WDHD1: variants seen among roughly 807,000 people sequenced by gnomAD.
The protein encoded by WDHD1 is WD repeat and HMG-box DNA-binding protein 1.
A neutral mutation model predicts 135.4 loss-of-function variants in WDHD1; 111 were observed. The ratio of observed to expected loss-of-function variants is 0.82; its 90% CI spans 0.70 to 0.96. The LOEUF is 0.96. Among genes scored for constraint, WDHD1 ranks in the 40% least tolerant of loss-of-function variants. The pLI is 0.00. For missense variants in WDHD1, 1,351 were observed against 1,336.3 expected (o/e 1.01, Z -0.17); for synonymous variants, 434 against 439.0 (o/e 0.99, Z 0.14).
chr14:54,998,708 C>A (rs2041928278), intron 10 of WDHD1, among the ~76,000 whole-genome samples: 1 of 151,992 alleles, frequency 6.6e-6, no homozygotes, highest in Non-Finnish European at 1.5e-5. Context: ...GATCTGGTAC[C>A]CTTTCACAAC....
intron 3 of WDHD1, 39 bp downstream of exon 3, chr14:55,013,446 G>C: frequency 7.3e-7 from 1 of 1,360,798 alleles, no homozygotes; most frequent in Admixed American, 1.7e-5. Context: ...TCACATGCCA[G>C]TATCATTTCA....
At chr14:54,975,194 T>G (rs890598193) in intron 16 of WDHD1, among the ~76,000 whole-genome samples, 1 of 152,152 alleles carries the variant, frequency 6.6e-6, no homozygotes, top group South Asian at 2.1e-4. Context: ...GAGAGCAAAT[T>G]AGACTGTAAC....
At chr14:55,023,405 C>A (rs990223139) in intron 2 of WDHD1, among the ~76,000 whole-genome samples, 4 of 152,216 alleles carry the variant, frequency 2.6e-5, no homozygotes, top group Non-Finnish European at 5.9e-5. Flanking sequence ...TTCCTTTTCA[C>A]AGTGGTCCTT....
intron 2 of WDHD1, among the ~76,000 whole-genome samples, chr14:55,019,022 TCAAA>T (rs2042303116): frequency 6.6e-6 from 1 of 152,008 alleles, no homozygotes; most frequent in South Asian, 2.1e-4. Flanking sequence ...AAACTCTGAC[TCAAA>T]CAAATAAAAA....
In WDHD1 at chr14:54,941,149, T is replaced by C. The variant is rs2040831366; in HGVS notation, c.*341A>G. The C allele has an allele frequency of 5.6e-6, 1 of 178,168 alleles. No individual in the cohort carries two copies. Among genetic ancestry groups the C allele is most frequent in the Non-Finnish European group, 1.2e-5 (1 of 84,852 alleles). The allele number at this position is 178,168 out of a possible 1,614,324, so 11.0% of individuals were successfully genotyped here. ...ACAAAAACCAAATGAACCAAACCCC[T>C]AGAAGGTATTAATGCACAAAGGTTT... On this transcript the variant is annotated 3_prime_UTR_variant, in exon 26 of 26. Transcript: ENST00000360586.
chr14:54,982,155 C>T (rs944895465), intron 15 of WDHD1, among the ~76,000 whole-genome samples: 5 of 151,710 alleles, frequency 3.3e-5, no homozygotes, highest in East Asian at 3.9e-4. Flanking sequence ...TACAGGCACC[C>T]GCCACCACGC....
chr14:54,990,475 A>T (rs1183221623), intron 12 of WDHD1, among the ~76,000 whole-genome samples: 1 of 152,026 alleles, frequency 6.6e-6, no homozygotes. Flanking sequence ...AGGCACCTGT[A>T]GTCCCAGCTA....
intron 14 of WDHD1, among the ~76,000 whole-genome samples, chr14:54,985,710 T>G (rs1445565226): frequency 2.6e-5 from 4 of 152,206 alleles, no homozygotes; most frequent in Non-Finnish European, 5.9e-5. Context: ...AGGAGGCTAC[T>G]ATGACAGTCC....
chr14:54,985,660 T>C (rs955479669), intron 14 of WDHD1, among the ~76,000 whole-genome samples: 9 of 152,200 alleles, frequency 5.9e-5, no homozygotes, highest in Non-Finnish European at 1.2e-4. Context: ...CTGTGGAGAA[T>C]GGACTGTGGA....
chr14:54,956,882 GC>G, intron 23 of WDHD1, 151 bp downstream of exon 23: 1 of 896,190 alleles, frequency 1.1e-6, no homozygotes, highest in Non-Finnish European at 1.6e-6. Context: ...GTGCCACTGT[GC>G]CTAGCTGCAA....
At chr14:55,016,627 G>A (rs1294814583) in intron 2 of WDHD1, among the ~76,000 whole-genome samples, 1 of 152,212 alleles carries the variant, frequency 6.6e-6, no homozygotes, top group Non-Finnish European at 1.5e-5. Flanking sequence ...ACTTTCTGAG[G>A]TGATGAAAAT....
intron 15 of WDHD1, among the ~76,000 whole-genome samples, chr14:54,984,116 T>C (rs529665013): frequency 8.5e-5 from 13 of 152,336 alleles, no homozygotes; most frequent in Admixed American, 2.6e-4. Flanking sequence ...CAACTTATTA[T>C]TGATTTGTAT....
At chr14:55,017,948 A>G (rs1387666042) in intron 2 of WDHD1, among the ~76,000 whole-genome samples, 2 of 152,236 alleles carry the variant, frequency 1.3e-5, no homozygotes, top group East Asian at 3.9e-4. Flanking sequence ...ACACAAATCA[A>G]TGTGATATAC....
At chr14:55,015,836 C>A (rs967272306) in intron 2 of WDHD1, among the ~76,000 whole-genome samples, 4 of 152,076 alleles carry the variant, frequency 2.6e-5, no homozygotes, top group Non-Finnish European at 4.4e-5. Flanking sequence ...GTAGCTGGGA[C>A]TGCAGGCGTG....
rs140023951 is a variant in WDHD1 at position 55,003,587 on chromosome 14, C to CTATATATATATATATATATA, written c.601-1403_601-1402insTATATATATATATATATATA. Among the ~76,000 whole-genome samples the CTATATATATATATATATATA allele has an allele frequency of 3.7e-3, 531 of 143,688 alleles. 19 individuals are homozygous for CTATATATATATATATATATA. The highest frequency in any genetic ancestry group is 0.021 in the South Asian group (99 of 4,740). 94.3% of individuals were successfully genotyped at this position (143,688 alleles called of 152,430 possible). A position where few individuals can be genotyped will look rare whatever the true frequency, so the allele number is the denominator to read the frequency against. ...TGTATAAAAAAGAAAGAAAAACGAA[C>CTATATATATATATATATATA]TATATATATATAGTTGCCCAGGCTG... On this transcript the variant is annotated intron_variant, in intron 7 of 25. Coordinates refer to ENST00000360586, the MANE Select transcript of WDHD1 (RefSeq NM_007086.4).
intron 24 of WDHD1, among the ~76,000 whole-genome samples, chr14:54,950,251 G>A (rs888894560): frequency 1.3e-5 from 2 of 152,150 alleles, no homozygotes; most frequent in South Asian, 4.1e-4. Flanking sequence ...GGAGACCCAT[G>A]TCATGTGCAG....
chr14:54,953,275 C>T (rs973748764), intron 24 of WDHD1, among the ~76,000 whole-genome samples: 8 of 152,130 alleles, frequency 5.3e-5, no homozygotes, highest in South Asian at 2.1e-4. Flanking sequence ...AACAAATTTA[C>T]AAGAAAAAAA....
At chr14:55,007,245 A>G (rs377599332) in intron 7 of WDHD1, 35 bp downstream of exon 7, 1,718 of 1,478,314 alleles carry the variant, frequency 1.2e-3, no homozygotes, top group African/African-American at 1.4e-3. Context: ...AAAAAAAAAA[A>G]AAAAGAAAAG....
rs574140070 is a variant in WDHD1, at chr14:54,952,258, A to C, written c.3050+3303T>G. Among the ~76,000 whole-genome samples, 8 of 152,384 alleles carry C rather than the reference A, an allele frequency of 5.2e-5. No homozygotes were observed. In the South Asian group the frequency reaches 1.7e-3, roughly 32 times the overall value. On this transcript the variant is annotated intron_variant, in intron 24 of 25. Transcript: ENST00000360586. ...TTAGAAAACCCCGTCGTCTCAGCCCAAAATCTCCTTAAGCTGATAGGGAAC... is the reference window on the plus strand; with the variant it reads ...TTAGAAAACCCCGTCGTCTCAGCCCCAAATCTCCTTAAGCTGATAGGGAAC...
Sources: gnomAD v4.1 joint callset for allele counts (sites outside exome capture counted in the v4.1 genomes callset) on GRCh38, gnomAD v4.1.1 for gene constraint, MANE v1.5 for transcripts, NCBI Gene and HGNC (gene_info 2026-07-23, HGNC 2026-07-21) for gene names.